Variants in STXBP5L observed in about 807,000 individuals in gnomAD.
The protein encoded by STXBP5L is syntaxin-binding protein 5-like.
A neutral mutation model predicts 144.5 loss-of-function variants in STXBP5L; 65 were observed. The observed-to-expected ratio is 0.45, with a 90% CI of 0.37 to 0.55. The LOEUF (loss-of-function observed/expected upper bound fraction) is 0.55. Ranked by LOEUF, STXBP5L falls within the 20% of genes least tolerant of loss-of-function variation. STXBP5L has a pLI of 0.00. For missense variants in STXBP5L, 1,298 were observed against 1,405.5 expected, an observed-to-expected ratio of 0.92 and a Z score of 1.22; for synonymous variants, 505 against 469.6, an observed-to-expected ratio of 1.08 and a Z score of -0.97.
intron 19 of STXBP5L, among the ~76,000 whole-genome samples, chr3:121,302,240 A>C (rs1260980090): frequency 6.6e-6 from 1 of 152,154 alleles, no homozygotes; most frequent in Non-Finnish European, 1.5e-5. Flanking sequence ...TGGTCTATTC[A>C]GAGATTCAAC....
In STXBP5L at chr3:121,223,046, G is replaced by T. The variant is rs1387330219; in HGVS notation, c.1000G>T (p.Ala334Ser). ...CTCTGGTGGGCTGTCCTATGACAAA[G>T]CTTGTAGAAGACCAAGTTTAACCAT... ...IFSGGLSYDK[A>S]CRRPSLTIMH... is the part of the protein sequence containing the mutation. Residue 334 changes from alanine to serine, a missense_variant, in exon 11 of 27, where the codon GCT becomes TCT. Ala to Ser is a moderately conservative substitution (Grantham distance 99). Transcript: ENST00000471454. 44 of 1,612,796 alleles carry T rather than the reference G, an allele frequency of 2.7e-5. No homozygotes were observed. In the Middle Eastern group the frequency reaches 6.6e-4, roughly 24 times the overall value.
chr3:121,075,239 G>A (rs532790606), intron 5 of STXBP5L, among the ~76,000 whole-genome samples: 1 of 152,172 alleles, frequency 6.6e-6, no homozygotes, highest in South Asian at 2.1e-4. Flanking sequence ...CATTCCTCCA[G>A]TGTCCCATCT....
chr3:121,121,586 T>C, intron 6 of STXBP5L, 55 bp from the exon 7 acceptor site: 2 of 1,259,534 alleles, frequency 1.6e-6, no homozygotes, highest in Non-Finnish European at 2.3e-6. Context: ...CAGTCTCTAG[T>C]GGTAAGGTAT....
intron 2 of STXBP5L, among the ~76,000 whole-genome samples, chr3:120,934,935 T>A (rs770997271): frequency 1.1e-4 from 17 of 152,026 alleles, no homozygotes; most frequent in Non-Finnish European, 2.2e-4. Flanking sequence ...GGACTGGTTT[T>A]TTAATCCACC....
At chr3:121,014,313 C>G (rs1944988847) in intron 3 of STXBP5L, among the ~76,000 whole-genome samples, 1 of 151,696 alleles carries the variant, frequency 6.6e-6, no homozygotes, top group Non-Finnish European at 1.5e-5. Flanking sequence ...CAATATCTAC[C>G]TCTTACATCA....
intron 5 of STXBP5L, chr3:121,099,485 C>T (rs2043303911): frequency 6.6e-6 from 1 of 152,262 alleles, no homozygotes; most frequent in African/African-American, 2.4e-5. Flanking sequence ...GAGAAAACTT[C>T]AGTGAACACT....
intron 2 of STXBP5L, among the ~76,000 whole-genome samples, chr3:120,916,637 A>T (rs931371886): frequency 6.6e-6 from 1 of 152,206 alleles, no homozygotes; most frequent in Non-Finnish European, 1.5e-5. Flanking sequence ...CTTTGAATTG[A>T]CAATAGCATA....
At chr3:121,185,560 T>C (rs2047341894) in intron 9 of STXBP5L, among the ~76,000 whole-genome samples, 1 of 152,226 alleles carries the variant, frequency 6.6e-6, no homozygotes, top group Non-Finnish European at 1.5e-5. Context: ...AGGGAGTCCT[T>C]TCTCCATTTC....
chr3:120,984,950 T>G (rs967531369), intron 3 of STXBP5L, among the ~76,000 whole-genome samples: 42 of 152,086 alleles, frequency 2.8e-4, no homozygotes, highest in African/African-American at 9.7e-4. Context: ...AGTCTCTTAT[T>G]AGATATTACA....
intron 3 of STXBP5L, among the ~76,000 whole-genome samples, chr3:120,978,457 T>G (rs1157910173): frequency 2.6e-5 from 4 of 152,214 alleles, no homozygotes; most frequent in African/African-American, 9.6e-5. Flanking sequence ...TAAATTTTTT[T>G]CAAGGTTTTT....
intron 11 of STXBP5L, among the ~76,000 whole-genome samples, chr3:121,228,038 A>G (rs557628957): frequency 6.8e-4 from 103 of 152,330 alleles, no homozygotes; most frequent in Non-Finnish European, 1.3e-3. Context: ...TCCTGGAGAG[A>G]CCTGCCAAAG....
intron 3 of STXBP5L, among the ~76,000 whole-genome samples, chr3:121,032,257 A>G (rs924268566): frequency 8.1e-4 from 123 of 152,102 alleles, no homozygotes; most frequent in Non-Finnish European, 1.3e-3. Flanking sequence ...GGGCAAAAAA[A>G]AAAAAGAAAT....
rs146638797 is a variant in STXBP5L at position 120,972,634 on chromosome 3, C to G, written c.287+17597C>G. ...AATAGGAGTGCTGGAAGCTGGCATT[C>G]TTGTCTTTTCCAGTTGTTAGGGGGA... On this transcript the variant is annotated intron_variant, in intron 3 of 26. Transcript: ENST00000471454. 3.7e-3 allele frequency among the ~76,000 whole-genome samples: 564 copies of G among 152,128 alleles called. 5 individuals are homozygous for G. The highest frequency in any genetic ancestry group is 0.011 in the Admixed American group (173 of 15,250).
Position 121,164,402 on chromosome 3 carries a change from T to C in STXBP5L, c.877+6775T>C, listed in dbSNP as rs115228511. ...GAGATAACAAATGTTGGCAGGTATA[T>C]AGAGAAAATGGAATCTTTGTAAACT... On this transcript the variant is annotated intron_variant, in intron 9 of 26. Transcript: ENST00000471454. 3.6e-3 allele frequency among the ~76,000 whole-genome samples: 547 copies of C among 152,300 alleles called. 1 individual carries two copies. Among genetic ancestry groups the C allele is most frequent in the Admixed American group, 7.7e-3 (118 of 15,294 alleles).
At chr3:121,359,185 T>A (rs114997824) in intron 20 of STXBP5L, among the ~76,000 whole-genome samples, 1 of 152,178 alleles carries the variant, frequency 6.6e-6, no homozygotes, top group Admixed American at 6.6e-5. Flanking sequence ...TAGTTTTGAT[T>A]TGCATTTCTC....
At chr3:121,178,551 TA>T (rs2047021317) in intron 9 of STXBP5L, among the ~76,000 whole-genome samples, 1 of 152,188 alleles carries the variant, frequency 6.6e-6, no homozygotes, top group African/African-American at 2.4e-5. Flanking sequence ...CTGGTTTATA[TA>T]AAAACTCTTT....
intron 5 of STXBP5L, among the ~76,000 whole-genome samples, chr3:121,110,966 C>G (rs1326183088): frequency 6.6e-6 from 1 of 151,868 alleles, no homozygotes; most frequent in Non-Finnish European, 1.5e-5. Context: ...TCTTATCTGC[C>G]TGTCTTGTTT....
At chr3:121,097,981 C>A (rs1236080304) in intron 5 of STXBP5L, among the ~76,000 whole-genome samples, 1 of 151,966 alleles carries the variant, frequency 6.6e-6, no homozygotes, top group African/African-American at 2.4e-5. Context: ...TCTATTTTAA[C>A]CATTGTTAAA....
rs768533171 is a variant in STXBP5L at position 121,240,488 on chromosome 3, C to A, written c.1381C>A (p.Pro461Thr). 2 of 1,613,364 alleles carry A rather than the reference C, an allele frequency of 1.2e-6. No homozygotes were observed. Among genetic ancestry groups the A allele is most frequent in the Admixed American group, 3.3e-5 (2 of 59,956 alleles). Residue 461 changes from proline (P) to threonine (T), a missense_variant, in exon 14 of 27, where the codon CCA (proline) becomes ACA (threonine). By Grantham distance (38) the Pro-to-Thr change is conservative. Coordinates refer to ENST00000471454, the MANE Select transcript of STXBP5L (RefSeq NM_001308330.2). The stretch of plus-strand genomic sequence containing the variant: ...TTGGAACCTTGGAGCACAAACATAT[C>A]CAGAAATTATTATTACTGGGTAAGT... ...GAWNLGAQTY[P>T]EIIITGHADG...
Sources: allele counts gnomAD v4.1 joint callset (sites outside exome capture counted in the v4.1 genomes callset), GRCh38; gene constraint gnomAD v4.1.1; transcripts MANE v1.5; gene names NCBI Gene and HGNC (gene_info 2026-07-23, HGNC 2026-07-21).